The following SND1 variants were observed in gnomAD, a reference collection of about 807,000 sequenced individuals.
SND1 encodes staphylococcal nuclease and tudor domain containing 1.
SND1 carries 38 observed loss-of-function variants against 121.7 expected under a neutral mutation model. That is an observed-to-expected ratio of 0.31 (90% CI 0.24 to 0.41). The LOEUF (loss-of-function observed/expected upper bound fraction) is 0.41. SND1 is among the 10% of genes least tolerant of loss of function. The pLI is 1.00. For missense variants in SND1, 868 were observed against 1,184.6 expected (o/e 0.73, Z 3.92); for synonymous variants, 401 against 447.4 (o/e 0.90, Z 1.31).
chr7:127,793,681 TA>T (rs1464023376), intron 10 of SND1, among the ~76,000 whole-genome samples: 11 of 152,088 alleles, frequency 7.2e-5, no homozygotes, highest in Admixed American at 5.9e-4. Flanking sequence ...AAGGAGGATA[TA>T]AAACTGTGTT....
At chr7:127,672,636 A>C (rs1349757943) in intron 1 of SND1, among the ~76,000 whole-genome samples, 1 of 151,864 alleles carries the variant, frequency 6.6e-6, no homozygotes, top group Non-Finnish European at 1.5e-5. Context: ...AAAGAAAAAG[A>C]AATTAACATG....
Position 127,718,616 on chromosome 7 carries a change from G to A in SND1, c.1039-2671G>A, listed in dbSNP as rs556970520. The A allele has an allele frequency of 2.5e-5, 25 of 985,242 alleles. No individual in the cohort carries two copies. The South Asian group carries it at 1.1e-3, about 43-fold the overall frequency. 61.0% of individuals were successfully genotyped at this position (985,242 alleles called of 1,614,324 possible). On this transcript the variant is annotated intron_variant, in intron 9 of 23. Coordinates refer to ENST00000354725, the MANE Select transcript of SND1 (RefSeq NM_014390.4). ...TCAGGGAGATGCTGAGCAGCAGAGA[G>A]AGTCTGCTGCTGGGGCCTAAAATTT...
At chr7:127,746,591 G>A (rs773315009) in intron 10 of SND1, among the ~76,000 whole-genome samples, 3 of 152,120 alleles carry the variant, frequency 2.0e-5, no homozygotes, top group Non-Finnish European at 4.4e-5. Flanking sequence ...CTGCTGGTAT[G>A]GTGAAAATGT....
intron 9 of SND1, among the ~76,000 whole-genome samples, chr7:127,714,087 G>T (rs566959987): frequency 6.6e-6 from 1 of 151,968 alleles, no homozygotes; most frequent in South Asian, 2.1e-4. Flanking sequence ...GTTGTGGGGG[G>T]TGGGGGAGGG....
At chr7:127,804,924 C>T (rs754165731) in intron 10 of SND1, among the ~76,000 whole-genome samples, 16 of 152,136 alleles carry the variant, frequency 1.1e-4, no homozygotes, top group East Asian at 3.9e-4. Context: ...AATATGAGTA[C>T]GCTGACACTT....
At chr7:127,814,650 C>T (rs551915637) in intron 11 of SND1, among the ~76,000 whole-genome samples, 1 of 151,968 alleles carries the variant, frequency 6.6e-6, no homozygotes, top group African/African-American at 2.4e-5. Flanking sequence ...TGTGTATCTG[C>T]AAAATAACCC....
chr7:127,974,351 C>T (rs1802066013), intron 15 of SND1, among the ~76,000 whole-genome samples: 1 of 152,216 alleles, frequency 6.6e-6, no homozygotes, highest in Non-Finnish European at 1.5e-5. Flanking sequence ...TTGGATCAAA[C>T]TTGGTACTTG....
chr7:127,966,269 C>T (rs1801850519), intron 15 of SND1, among the ~76,000 whole-genome samples: 2 of 151,314 alleles, frequency 1.3e-5, no homozygotes, highest in Non-Finnish European at 2.9e-5. Context: ...CTTTAACACC[C>T]CACTGTCAAC....
rs10607765 is a variant in SND1 at position 127,975,384 on chromosome 7, C to CGTGT, written c.1670-15546_1670-15543dup. Reference sequence around the variant, plus strand: ...GTGTATGTGAGAGATTGACTCCCCTCGTGTGTGTGTGTGTGTGTGTAAGAG... The same window carrying CGTGT: ...GTGTATGTGAGAGATTGACTCCCCTCGTGTGTGTGTGTGTGTGTGTGTGTAAGAG... On this transcript the variant is annotated intron_variant, in intron 15 of 23. Coordinates refer to ENST00000354725, the MANE Select transcript of SND1 (RefSeq NM_014390.4). Among the ~76,000 whole-genome samples the CGTGT allele has an allele frequency of 7.7e-3, 1,146 of 148,166 alleles. 14 individuals carry two copies. Among genetic ancestry groups the CGTGT allele is most frequent in the African/African-American group, 0.026 (1,035 of 40,294 alleles).
chr7:127,748,679 C>G (rs1797022801), intron 10 of SND1, among the ~76,000 whole-genome samples: 1 of 152,040 alleles, frequency 6.6e-6, no homozygotes, highest in Non-Finnish European at 1.5e-5. Context: ...AGAAAGTGAA[C>G]AAAACTACAT....
At chr7:127,751,807 T>C (rs534365317) in intron 10 of SND1, among the ~76,000 whole-genome samples, 62 of 152,362 alleles carry the variant, frequency 4.1e-4, no homozygotes, top group African/African-American at 1.3e-3. Flanking sequence ...CAGCACCCTC[T>C]GGACACTGGC....
chr7:127,705,132 A>G (rs1014299797), intron 8 of SND1, among the ~76,000 whole-genome samples, 187 bp downstream of exon 8: 1 of 152,222 alleles, frequency 6.6e-6, no homozygotes, highest in African/African-American at 2.4e-5. Context: ...TGAATGCTGG[A>G]TGGTAAGGAC....
chr7:127,918,820 C>A (rs1397230216), intron 14 of SND1, among the ~76,000 whole-genome samples: 2 of 152,084 alleles, frequency 1.3e-5, no homozygotes, highest in Non-Finnish European at 2.9e-5. Context: ...AAAGTAGAAA[C>A]CTAGGCCAAA....
intron 16 of SND1, among the ~76,000 whole-genome samples, chr7:128,066,642 A>G (rs1793320210): frequency 6.6e-6 from 1 of 152,164 alleles, no homozygotes; most frequent in African/African-American, 2.4e-5. Context: ...AATGTTCATC[A>G]TCTCTGAAAG....
chr7:127,873,517 A>G (rs1431260675), intron 12 of SND1, among the ~76,000 whole-genome samples: 1 of 152,088 alleles, frequency 6.6e-6, no homozygotes, highest in African/African-American at 2.4e-5. Context: ...AGCCTTCAAG[A>G]CTTCTTGAAG....
intron 10 of SND1, among the ~76,000 whole-genome samples, chr7:127,793,791 T>C (rs1161101117): frequency 6.6e-6 from 1 of 152,058 alleles, no homozygotes; most frequent in Non-Finnish European, 1.5e-5. Flanking sequence ...AGTTCCCCAT[T>C]CTTGCCCTCC....
intron 12 of SND1, among the ~76,000 whole-genome samples, chr7:127,866,888 T>A (rs1799488325): frequency 6.6e-6 from 1 of 152,194 alleles, no homozygotes; most frequent in Non-Finnish European, 1.5e-5. Context: ...CTTGCTTTCT[T>A]ACCTCCTGCC....
At chr7:128,072,216 C>T (rs567663831) in intron 16 of SND1, among the ~76,000 whole-genome samples, 5 of 152,296 alleles carry the variant, frequency 3.3e-5, no homozygotes, top group Admixed American at 2.6e-4. Flanking sequence ...GCCTCTGCAG[C>T]GTATCTCTGA....
intron 12 of SND1, among the ~76,000 whole-genome samples, chr7:127,881,631 G>A (rs931557520): frequency 3.3e-5 from 5 of 152,134 alleles, no homozygotes; most frequent in Non-Finnish European, 7.4e-5. Context: ...AACTGGACAG[G>A]CAAATGCAAA....
Sources: allele counts gnomAD v4.1 joint callset (sites outside exome capture counted in the v4.1 genomes callset), GRCh38; gene constraint gnomAD v4.1.1; transcripts MANE v1.5; gene names NCBI Gene and HGNC (gene_info 2026-07-23, HGNC 2026-07-21).